SNX29: variants seen among roughly 807,000 people sequenced by gnomAD.
SNX29 encodes the protein sorting nexin-29.
A neutral mutation model predicts 102.1 loss-of-function variants in SNX29; 78 were observed. That is an observed-to-expected ratio of 0.76 (90% CI 0.64 to 0.92). The LOEUF (loss-of-function observed/expected upper bound fraction) is 0.92. SNX29 is among the 40% of genes least tolerant of loss of function. SNX29 has a pLI of 0.00. For missense variants in SNX29, 1,280 were observed against 1,061.7 expected (o/e 1.21, Z -2.86); for synonymous variants, 580 against 414.5 (o/e 1.40, Z -4.85).
At chr16:12,546,495 A>G (rs1172564471) in intron 20 of SNX29, 1 of 152,328 alleles carries the variant, frequency 6.6e-6, no homozygotes, top group South Asian at 2.1e-4. Flanking sequence ...AGCACAGGAA[A>G]GACTCGCCCC....
chr16:12,188,244 TTCTG>T lies in SNX29; in HGVS notation c.1596-11351_1596-11348del, dbSNP rs2076560802. On this transcript the variant is annotated intron_variant, in intron 13 of 20. Transcript: ENST00000566228. ...TTATACACACACATACTTATTTTAA[TTCTG>T]TCTGTAGTTTCTGAAGGTAGATACT... 2.6e-5 allele frequency among the ~76,000 whole-genome samples: 4 copies of T among 152,350 alleles called. No individual in the cohort carries two copies. In the South Asian group the frequency reaches 6.2e-4, roughly 24 times the overall value.
At chr16:12,176,411 CTA>C (rs1156861937) in intron 13 of SNX29, among the ~76,000 whole-genome samples, 2 of 152,184 alleles carry the variant, frequency 1.3e-5, no homozygotes, top group African/African-American at 4.8e-5. Context: ...GTTCCAGAAA[CTA>C]TGTCTAGTCA....
chr16:12,244,163 A>G (rs370223180), intron 14 of SNX29, among the ~76,000 whole-genome samples: 1 of 150,916 alleles, frequency 6.6e-6, no homozygotes, highest in Non-Finnish European at 1.5e-5. Context: ...ATGCTCACTC[A>G]CCCGCCACTC....
intron 18 of SNX29, among the ~76,000 whole-genome samples, chr16:12,471,063 C>T (rs1185024461): frequency 6.6e-6 from 1 of 152,172 alleles, no homozygotes. Context: ...TTCACACTGC[C>T]GTTCTGCCTC....
intron 16 of SNX29, among the ~76,000 whole-genome samples, chr16:12,378,958 A>G (rs2082977839): frequency 2.6e-5 from 4 of 152,118 alleles, no homozygotes. Context: ...ACCCATCCTG[A>G]ACCAGTTACT....
In SNX29 at chr16:11,990,826, C is replaced by T. The variant is rs141042298; in HGVS notation, c.8-8471C>T. Among the ~76,000 whole-genome samples the T allele has an allele frequency of 2.9e-3, 445 of 152,292 alleles. 3 individuals carry two copies. The highest frequency in any genetic ancestry group is 0.01 in the African/African-American group (425 of 41,562). On this transcript the variant is annotated intron_variant, in intron 1 of 20. Transcript: ENST00000566228. ...TCTCACGTTTAACCATCTAACCGCACGGTGGCTGTAAGGTCTACAAACTCC... is the reference window on the plus strand; with the variant it reads ...TCTCACGTTTAACCATCTAACCGCATGGTGGCTGTAAGGTCTACAAACTCC...
chr16:12,284,556 G>A (rs115582860), intron 15 of SNX29, among the ~76,000 whole-genome samples: 3 of 152,198 alleles, frequency 2.0e-5, no homozygotes, highest in African/African-American at 7.2e-5. Context: ...GGCCCATGGG[G>A]GCTTTAACTC....
chr16:12,552,327 C>G (rs1050990593), intron 20 of SNX29, among the ~76,000 whole-genome samples: 4 of 152,158 alleles, frequency 2.6e-5, no homozygotes, highest in Non-Finnish European at 5.9e-5. Flanking sequence ...AATGGAACTC[C>G]TCTCCTGGCT....
chr16:12,092,386 G>A (rs1265798637), intron 11 of SNX29, among the ~76,000 whole-genome samples: 1 of 152,180 alleles, frequency 6.6e-6, no homozygotes. Context: ...AATTGAAACC[G>A]AGTTCCCAGA....
chr16:12,169,439 C>T (rs750727695), intron 13 of SNX29, among the ~76,000 whole-genome samples: 5 of 152,166 alleles, frequency 3.3e-5, no homozygotes, highest in African/African-American at 7.2e-5. Context: ...TCAGTGGGCA[C>T]GGACTTGGCT....
At chr16:12,424,348 T>G (rs976534420) in intron 18 of SNX29, among the ~76,000 whole-genome samples, 1 of 152,204 alleles carries the variant, frequency 6.6e-6, no homozygotes, top group Non-Finnish European at 1.5e-5. Flanking sequence ...TTTTGCTGTT[T>G]CTTTTCTCTT....
chr16:12,130,914 C>T (rs749372582), intron 13 of SNX29, among the ~76,000 whole-genome samples: 11 of 152,118 alleles, frequency 7.2e-5, no homozygotes, highest in African/African-American at 1.7e-4. Flanking sequence ...AGCGAGGCAC[C>T]GAGATGGTTT....
At chr16:12,057,827 T>G (rs1049982109) in intron 8 of SNX29, among the ~76,000 whole-genome samples, 2 of 117,350 alleles carry the variant, frequency 1.7e-5, no homozygotes, top group Admixed American at 1.6e-4. Flanking sequence ...TATATATATA[T>G]TTTTTTTTGA....
chr16:12,341,173 C>T (rs544217811), intron 15 of SNX29, among the ~76,000 whole-genome samples: 2 of 152,286 alleles, frequency 1.3e-5, no homozygotes, highest in South Asian at 4.1e-4. Flanking sequence ...CAGACAAACT[C>T]ATTAGAAAGT....
At chr16:12,373,990 G>C (rs2151391183) in intron 16 of SNX29, 1 of 152,348 alleles carries the variant, frequency 6.6e-6, no homozygotes, top group South Asian at 2.1e-4. Context: ...GAGAACTGGT[G>C]CCTTCAGCAG....
chr16:12,534,643 C>T (rs995127604), intron 20 of SNX29, among the ~76,000 whole-genome samples: 1 of 152,206 alleles, frequency 6.6e-6, no homozygotes, highest in African/African-American at 2.4e-5. Flanking sequence ...GTAAAATTCA[C>T]CTGAAGGAGT....
intron 14 of SNX29, among the ~76,000 whole-genome samples, chr16:12,210,490 G>C (rs1019089684): frequency 1.3e-5 from 2 of 151,806 alleles, no homozygotes; most frequent in Admixed American, 6.6e-5. Context: ...CATCACTCTC[G>C]GTGGGACTGA....
chr16:12,297,358 C>G (rs1335053335), intron 15 of SNX29: 1 of 152,282 alleles, frequency 6.6e-6, no homozygotes, highest in Non-Finnish European at 1.5e-5. Flanking sequence ...ATGTCAAAAT[C>G]TGGGCTGGAA....
At chr16:12,160,882 C>T (rs572464846) in intron 13 of SNX29, among the ~76,000 whole-genome samples, 1 of 152,320 alleles carries the variant, frequency 6.6e-6, no homozygotes, top group South Asian at 2.1e-4. Context: ...GGAGCTTTCT[C>T]TTTTGGGTCT....
Sources: allele counts gnomAD v4.1 joint callset (sites outside exome capture counted in the v4.1 genomes callset), GRCh38; gene constraint gnomAD v4.1.1; transcripts MANE v1.5; gene names NCBI Gene and HGNC (gene_info 2026-07-23, HGNC 2026-07-21).